The following ANK3 variants were observed in gnomAD, a reference collection of about 807,000 sequenced individuals.
The protein encoded by ANK3 is ankyrin 3.
A neutral mutation model predicts 370.9 loss-of-function variants in ANK3; 57 were observed. The observed-to-expected ratio is 0.15, with a 90% CI of 0.12 to 0.19. The LOEUF is 0.19. ANK3 is among the 10% of genes least tolerant of loss of function. The probability of loss-of-function intolerance (pLI) is 1.00; values close to 1 mark genes in which losing one functional copy is unlikely to be tolerated. For synonymous variants in ANK3, 1,929 were observed against 1,946.3 expected, an observed-to-expected ratio of 0.99 and a Z score of 0.23; for missense variants, 4,439 against 5,302.1, an observed-to-expected ratio of 0.84 and a Z score of 5.06.
At chr10:60,259,461 A>G (rs1032238090) in intron 7 of ANK3, among the ~76,000 whole-genome samples, 7 of 152,226 alleles carry the variant, frequency 4.6e-5, no homozygotes, top group Admixed American at 3.9e-4. Context: ...ACATATTTTA[A>G]ACAAAAGCAC....
chr10:60,402,606 A>T (rs1422225953), intron 2 of ANK3, among the ~76,000 whole-genome samples: 1 of 152,242 alleles, frequency 6.6e-6, no homozygotes, highest in African/African-American at 2.4e-5. Context: ...ATGTATAAAA[A>T]AGAACAAAAG....
At chr10:60,638,913 A>G (rs1257480185) in intron 1 of ANK3, among the ~76,000 whole-genome samples, 1 of 142,652 alleles carries the variant, frequency 7.0e-6, no homozygotes, top group Non-Finnish European at 1.5e-5. Flanking sequence ...GCAGTCTAAC[A>G]TGTATAATTG....
intron 42 of ANK3, chr10:60,044,022 G>T (rs1194912343): frequency 1.0e-6 from 1 of 985,694 alleles, no homozygotes; most frequent in Non-Finnish European, 1.2e-6. Flanking sequence ...TTTCTAGGGA[G>T]TGCACAAAGC....
At chr10:60,267,422 C>T (rs2097898582) in intron 5 of ANK3, among the ~76,000 whole-genome samples, 1 of 152,230 alleles carries the variant, frequency 6.6e-6, no homozygotes, top group Non-Finnish European at 1.5e-5. Flanking sequence ...ATAACAGCAA[C>T]CTCCCTGAAG....
intron 29 of ANK3, among the ~76,000 whole-genome samples, 187 bp downstream of exon 29, chr10:60,087,960 T>C (rs2087126394): frequency 6.6e-6 from 1 of 152,236 alleles, no homozygotes; most frequent in South Asian, 2.1e-4. Context: ...CTAAAATATG[T>C]ACCTTATTTA....
chr10:60,417,796 A>G (rs1319760172), intron 2 of ANK3, among the ~76,000 whole-genome samples: 1 of 152,200 alleles, frequency 6.6e-6, no homozygotes, highest in Non-Finnish European at 1.5e-5. Flanking sequence ...AATGGGTACC[A>G]GTGTCTTTTT....
intron 2 of ANK3, among the ~76,000 whole-genome samples, chr10:60,399,591 T>C (rs1244977272): frequency 6.6e-6 from 1 of 152,132 alleles, no homozygotes; most frequent in Non-Finnish European, 1.5e-5. Flanking sequence ...GGTGTTGACA[T>C]GTAACAAGCT....
chr10:60,521,277 A>G (rs1168752231), intron 2 of ANK3, among the ~76,000 whole-genome samples: 1 of 152,140 alleles, frequency 6.6e-6, no homozygotes, highest in African/African-American at 2.4e-5. Context: ...ATTACATCGT[A>G]TTGCAACTAA....
chr10:60,583,613 C>T (rs7924180), intron 2 of ANK3, among the ~76,000 whole-genome samples: 3 of 148,124 alleles, frequency 2.0e-5, no homozygotes, highest in East Asian at 2.0e-4. Flanking sequence ...AGTGCAGTGG[C>T]GCTCCAGTTC....
chr10:60,334,928 A>C (rs1011271053), intron 1 of ANK3, among the ~76,000 whole-genome samples: 6 of 152,090 alleles, frequency 3.9e-5, no homozygotes, highest in Non-Finnish European at 8.8e-5. Flanking sequence ...GGTGGAGTCT[A>C]TCACTTTCAT....
At chr10:60,354,193 C>G (rs1159199210) in intron 1 of ANK3, among the ~76,000 whole-genome samples, 1 of 152,122 alleles carries the variant, frequency 6.6e-6, no homozygotes, top group Non-Finnish European at 1.5e-5. Flanking sequence ...CTTCCCTTCC[C>G]CCAAGATGCA....
At chr10:60,094,228 C>T (rs1027657387) in intron 28 of ANK3, among the ~76,000 whole-genome samples, 3 of 130,490 alleles carry the variant, frequency 2.3e-5, no homozygotes, top group Non-Finnish European at 4.7e-5. Flanking sequence ...CACTCTGTTG[C>T]TTAGGATAGA....
intron 41 of ANK3, 122 bp from the exon 42 acceptor site, chr10:60,056,158 T>A: frequency 1.7e-6 from 2 of 1,211,862 alleles, no homozygotes; most frequent in Non-Finnish European, 2.2e-6. Flanking sequence ...TAGAAAAGTG[T>A]GAAAAGTGTG....
At chr10:60,199,945 T>C (rs934084648) in intron 13 of ANK3, among the ~76,000 whole-genome samples, 184 bp downstream of exon 13, 2 of 152,200 alleles carry the variant, frequency 1.3e-5, no homozygotes, top group African/African-American at 2.4e-5. Context: ...TGTTAAATAA[T>C]AGAATGAACA....
chr10:60,679,353 T>C (rs1384771219), intron 1 of ANK3, among the ~76,000 whole-genome samples: 2 of 152,094 alleles, frequency 1.3e-5, no homozygotes, highest in African/African-American at 2.4e-5. Context: ...GTTAAACAGT[T>C]TCTCTAAAAT....
chr10:60,183,119 C>T (rs150783255), intron 17 of ANK3, among the ~76,000 whole-genome samples: 81 of 152,316 alleles, frequency 5.3e-4, no homozygotes, highest in African/African-American at 1.9e-3. Context: ...CTTACCCACT[C>T]ACTGATGGAG....
At chr10:60,240,143 C>CATATATAT (rs2097417298) in intron 7 of ANK3, among the ~76,000 whole-genome samples, 15 of 126,036 alleles carry the variant, frequency 1.2e-4, no homozygotes, top group African/African-American at 4.6e-4. Context: ...CATATATATA[C>CATATATAT]ACATATATAT....
intron 1 of ANK3, among the ~76,000 whole-genome samples, chr10:60,381,480 A>G (rs1430736015): frequency 6.6e-6 from 1 of 152,222 alleles, no homozygotes; most frequent in African/African-American, 2.4e-5. Flanking sequence ...CAAAGAGCTA[A>G]CTGTGGGACT....
chr10:60,729,348 G>C (rs751347381), intron 1 of ANK3, among the ~76,000 whole-genome samples: 1 of 152,160 alleles, frequency 6.6e-6, no homozygotes, highest in Non-Finnish European at 1.5e-5. Context: ...ACATCCCCCA[G>C]AGAAGTAGCA....
Sources: gnomAD v4.1 joint callset for allele counts (sites outside exome capture counted in the v4.1 genomes callset) on GRCh38, gnomAD v4.1.1 for gene constraint, MANE v1.5 for transcripts, NCBI Gene and HGNC (gene_info 2026-07-23, HGNC 2026-07-21) for gene names.